The following SLC9A7 variants were observed in gnomAD, a reference collection of about 807,000 sequenced individuals.
SLC9A7 encodes the protein sodium/hydrogen exchanger 7.
Under a neutral mutation model 52.6 loss-of-function variants are expected in SLC9A7, and 19 were observed. The ratio of observed to expected loss-of-function variants is 0.36; its 90% CI spans 0.25 to 0.53. The LOEUF (loss-of-function observed/expected upper bound fraction) is 0.53, where lower values mean the gene tolerates loss of function less well. Among genes scored for constraint, SLC9A7 ranks in the 20% least tolerant of loss-of-function variants. SLC9A7 has a pLI of 0.91. For synonymous variants in SLC9A7, 226 were observed against 252.1 expected (o/e 0.90, Z 0.98); for missense variants, 455 against 597.9 (o/e 0.76, Z 2.49).
intron 13 of SLC9A7, among the ~76,000 whole-genome samples, chrX:46,631,901 A>C (rs971571709): frequency 3.6e-5 from 4 of 111,940 alleles, no homozygotes; most frequent in Non-Finnish European, 7.5e-5. Flanking sequence ...GCCGGAACAC[A>C]ACACATGCTG....
chrX:46,631,614 T>A lies in SLC9A7; in HGVS notation c.1712A>T (p.Asn571Ile). The A allele has an allele frequency of 8.3e-7, 1 of 1,210,361 alleles. No individual in the cohort carries two copies. The change falls in exon 14 of 17, where the codon AAC becomes ATC. Residue 571 changes from asparagine to isoleucine, a missense_variant. This residue lies in a region of SLC9A7 where 146 missense variants were observed against 160.5 expected (regional missense o/e 0.91). Coordinates refer to ENST00000616978, the MANE Select transcript of SLC9A7 (RefSeq NM_001257291.2). ...TTGTAAGACTTGAAAGCTGTCGTTG[T>A]TGGGTGGTGGGTCTTGATCGGGGTC... ...GVDPDQDPPPNNDSFQVLQGD... is the reference protein window; with the variant it reads ...GVDPDQDPPPINDSFQVLQGD...
At chrX:46,682,959 A>ATTTTTTTTT (rs1276924527) in intron 1 of SLC9A7, among the ~76,000 whole-genome samples, 2 of 62,474 alleles carry the variant, frequency 3.2e-5, no homozygotes, top group African/African-American at 1.6e-4. Context: ...ACACCCGGCT[A>ATTTTTTTTT]ATTTTTTTTT....
chrX:46,754,399 G>T (rs782382441), intron 1 of SLC9A7, among the ~76,000 whole-genome samples: 2 of 112,056 alleles, frequency 1.8e-5, no homozygotes, highest in South Asian at 7.4e-4. Flanking sequence ...GGGTTATCTG[G>T]TACCAAAGTG....
chrX:46,751,809 C>CA (rs1173234876), intron 1 of SLC9A7, among the ~76,000 whole-genome samples: 7 of 107,477 alleles, frequency 6.5e-5, no homozygotes, highest in African/African-American at 1.0e-4. Flanking sequence ...GACCCTGTCT[C>CA]AAAAAAAAAG....
chrX:46,630,719 C>G (rs1943207417), intron 14 of SLC9A7, among the ~76,000 whole-genome samples: 1 of 112,213 alleles, frequency 8.9e-6, no homozygotes, highest in Non-Finnish European at 1.9e-5. Flanking sequence ...TGATACTCTT[C>G]CCATCCAGAG....
In SLC9A7 at chrX:46,656,418, T is replaced by C. The variant is rs1205480795; in HGVS notation, c.1042-2704A>G. ...AGAAGAAGGCTTCAGACGATCAAAT[T>C]ACTCTGAGCTACGGGAGGACATTCA... On this transcript the variant is annotated intron_variant, in intron 7 of 16. Transcript: ENST00000616978. 2.7e-5 allele frequency among the ~76,000 whole-genome samples: 3 copies of C among 112,851 alleles called. No homozygotes were observed. The Admixed American group carries it at 2.8e-4, about 11-fold the overall frequency.
At chrX:46,648,226 A>G (rs1180992593) in intron 11 of SLC9A7, among the ~76,000 whole-genome samples, 1 of 112,078 alleles carries the variant, frequency 8.9e-6, no homozygotes, top group Non-Finnish European at 1.9e-5. Flanking sequence ...AGAAAGTTAG[A>G]GCTGGGGGAC....
intron 1 of SLC9A7, among the ~76,000 whole-genome samples, chrX:46,686,659 A>C: frequency 9.0e-6 from 1 of 111,718 alleles, no homozygotes; most frequent in Admixed American, 9.5e-5. Context: ...AAAATGATGG[A>C]GAGCAACAGA....
chrX:46,741,536 T>C (rs1921350361), intron 1 of SLC9A7, among the ~76,000 whole-genome samples: 2 of 111,251 alleles, frequency 1.8e-5, no homozygotes, highest in African/African-American at 3.3e-5. Flanking sequence ...GAAGAAAAGA[T>C]TGTCAACAAC....
chrX:46,624,076 A>G (rs1299621844), intron 14 of SLC9A7, among the ~76,000 whole-genome samples: 1 of 112,676 alleles, frequency 8.9e-6, no homozygotes, highest in Non-Finnish European at 1.9e-5. Context: ...GAGGGCTTCC[A>G]AGTTGGCGCC....
intron 7 of SLC9A7, 24 bp downstream of exon 7, chrX:46,661,992 G>A (rs770280042): frequency 1.4e-5 from 16 of 1,166,125 alleles, no homozygotes; most frequent in Middle Eastern, 2.4e-4. Flanking sequence ...ACCCAGGCCC[G>A]AGCTGAAACT....
intron 1 of SLC9A7, among the ~76,000 whole-genome samples, chrX:46,737,442 CCTGT>C (rs1308189889): frequency 8.9e-6 from 1 of 112,025 alleles, no homozygotes; most frequent in East Asian, 2.8e-4. Context: ...TTCAGTGGTA[CCTGT>C]CTCTCTCCTG....
chrX:46,755,503 A>G (rs1484123266), intron 1 of SLC9A7, among the ~76,000 whole-genome samples: 3 of 111,329 alleles, frequency 2.7e-5, no homozygotes, highest in Non-Finnish European at 3.8e-5. Context: ...AGGGAGAAGT[A>G]GGCGTCAAAT....
At chrX:46,651,550 G>A (rs4824585) in intron 8 of SLC9A7, 146 bp from the exon 9 acceptor site, 29,194 of 425,558 alleles carry the variant, frequency 0.069, 1,090 homozygotes, top group Admixed American at 0.19. Flanking sequence ...TTGCTGGGTC[G>A]GGCGCAGTGG....
At chrX:46,720,577 GAA>G (rs367822348) in intron 1 of SLC9A7, among the ~76,000 whole-genome samples, 1 of 104,600 alleles carries the variant, frequency 9.6e-6, no homozygotes, top group African/African-American at 3.5e-5. Flanking sequence ...TCATCCATGG[GAA>G]AAAAAAAAAT....
At chrX:46,747,121 T>C (rs975467498) in intron 1 of SLC9A7, among the ~76,000 whole-genome samples, 2 of 111,376 alleles carry the variant, frequency 1.8e-5, no homozygotes, top group South Asian at 3.8e-4. Flanking sequence ...AGTAGACTAG[T>C]TGTTACCAGA....
Position 46,606,931 on chromosome X carries a change from C to T in SLC9A7, c.*21G>A, listed in dbSNP as rs756279137. ...ACCCCATCGGGAGCCTACCCCATCGCGCCAGGGCTTGGGGGGAAAGTCAAG... is the reference window on the plus strand; with the variant it reads ...ACCCCATCGGGAGCCTACCCCATCGTGCCAGGGCTTGGGGGGAAAGTCAAG... On this transcript the variant is annotated 3_prime_UTR_variant, in exon 17 of 17. Coordinates refer to ENST00000616978, the MANE Select transcript of SLC9A7 (RefSeq NM_001257291.2). 11 of 1,208,703 alleles carry T rather than the reference C, an allele frequency of 9.1e-6. No homozygotes were observed. The highest frequency in any genetic ancestry group is 5.3e-5 in the South Asian group (3 of 56,706).
At chrX:46,668,778 G>A (rs1943965655) in intron 5 of SLC9A7, among the ~76,000 whole-genome samples, 1 of 111,362 alleles carries the variant, frequency 9.0e-6, no homozygotes, top group South Asian at 3.8e-4. Flanking sequence ...TTGTTTAATG[G>A]GTATAGCATT....
At chrX:46,713,019 T>C (rs1353784099) in intron 1 of SLC9A7, among the ~76,000 whole-genome samples, 1 of 112,391 alleles carries the variant, frequency 8.9e-6, no homozygotes, top group Non-Finnish European at 1.9e-5. Flanking sequence ...TCTGAGTTTC[T>C]TGATAACTGA....
Sources: allele counts gnomAD v4.1 joint callset (sites outside exome capture counted in the v4.1 genomes callset), GRCh38; gene constraint gnomAD v4.1.1; regional missense constraint gnomAD v4.1.1; transcripts MANE v1.5; gene names NCBI Gene and HGNC (gene_info 2026-07-23, HGNC 2026-07-21).